The following FANCI variants were observed in gnomAD, a reference collection of about 807,000 sequenced individuals.
The protein encoded by FANCI is Fanconi anemia group I protein.
FANCI carries 156 observed loss-of-function variants against 176.1 expected under a neutral mutation model. The ratio of observed to expected loss-of-function variants is 0.89; its 90% CI spans 0.78 to 1.01. The LOEUF is 1.01. Ranked by LOEUF, FANCI falls within the 50% of genes least tolerant of loss-of-function variation. FANCI has a pLI of 0.00. For missense variants in FANCI, 1,678 were observed against 1,534.1 expected (o/e 1.09, Z -1.57); for synonymous variants, 613 against 541.7 (o/e 1.13, Z -1.83).
Position 89,253,512 on chromosome 15 carries a change from AAAATAAATAAATAAAT to A in FANCI, c.85-5173_85-5158del, listed in dbSNP as rs10691127. Among the ~76,000 whole-genome samples, 566 of 138,648 alleles carry A rather than the reference AAAATAAATAAATAAAT, an allele frequency of 4.1e-3. 4 individuals are homozygous for A. The highest frequency in any genetic ancestry group is 0.02 in the South Asian group (94 of 4,724). The allele number at this position is 138,648 out of a possible 152,430, so 91.0% of individuals were successfully genotyped here. The stretch of plus-strand genomic sequence containing the variant: ...GGTGAAAGTGAGACTCTGTCTCTTA[AAAATAAATAAATAAAT>A]AAATAAATAAATAAATAAGTATATG... On this transcript the variant is annotated intron_variant, in intron 2 of 37. Coordinates refer to ENST00000310775, the MANE Select transcript of FANCI (RefSeq NM_001113378.2).
intron 18 of FANCI, 22 bp downstream of exon 18, chr15:89,285,240 A>G: frequency 6.2e-7 from 1 of 1,613,752 alleles, no homozygotes; most frequent in Non-Finnish European, 8.5e-7. Context: ...GAATGGAAAG[A>G]ATGTAGCAAA....
At chr15:89,303,807 A>T in intron 27 of FANCI, 57 bp from the exon 28 acceptor site, 1 of 1,490,202 alleles carries the variant, frequency 6.7e-7, no homozygotes, top group Non-Finnish European at 9.4e-7. Flanking sequence ...CTGTTCTGAC[A>T]ACACCTAGGT....
chr15:89,283,939 T>A (rs764000827), intron 17 of FANCI, among the ~76,000 whole-genome samples: 4 of 152,020 alleles, frequency 2.6e-5, no homozygotes, highest in Non-Finnish European at 4.4e-5. Context: ...ATTTTTTGTA[T>A]TTTTAGTAGA....
At position 89,306,021 on chromosome 15, in the gene FANCI, C is replaced by G; in HGVS notation, c.3364C>G (p.Gln1122Glu). The G allele has an allele frequency of 1.2e-6, 2 of 1,614,208 alleles. No homozygotes were observed. Among genetic ancestry groups the G allele is most frequent in the South Asian group, 1.1e-5 (1 of 91,078 alleles). Residue 1122 changes from glutamine to glutamate, a missense_variant, in exon 32 of 38, where the codon CAG (glutamine) becomes GAG (glutamate). This residue lies in a region of FANCI where 1,204 missense variants were observed against 1,077.4 expected (regional missense o/e 1.12). Coordinates refer to ENST00000310775, the MANE Select transcript of FANCI (RefSeq NM_001113378.2). ...QETLSEEASS[Q>E]ATLPNQPVEK... Reference sequence around the variant, plus strand: ...TTTCCCTTTAGAAGAGGCCTCTTCTCAGGCAACCCTACCAAATCAGCCTGT... The same window carrying G: ...TTTCCCTTTAGAAGAGGCCTCTTCTGAGGCAACCCTACCAAATCAGCCTGT...
intron 24 of FANCI, among the ~76,000 whole-genome samples, chr15:89,298,936 C>T (rs935420645): frequency 2.0e-5 from 3 of 152,020 alleles, no homozygotes; most frequent in Admixed American, 6.6e-5. Context: ...TTTGGGAGGC[C>T]GAAGCAGGTG....
Position 89,300,365 on chromosome 15 carries a change from T to C in FANCI, c.2869T>C (p.Phe957Leu). The change falls in exon 26 of 38, where the codon TTC becomes CTC. Residue 957 changes from phenylalanine (F) to leucine (L), a missense_variant. By Grantham distance (22) the Phe-to-Leu change is conservative. This residue lies in a region of FANCI where 1,204 missense variants were observed against 1,077.4 expected (regional missense o/e 1.12). Coordinates refer to ENST00000310775, the MANE Select transcript of FANCI (RefSeq NM_001113378.2). ...TGTCAGTGTCACTCAGAGAACAGCATTCCAGATCCGGCAATTTCAGGTGAG... is the reference window on the plus strand; with the variant it reads ...TGTCAGTGTCACTCAGAGAACAGCACTCCAGATCCGGCAATTTCAGGTGAG... The part of the protein sequence containing the change: ...ADVSVTQRTA[F>L]QIRQFQRSLL... 1 of 1,613,974 alleles carries C rather than the reference T, an allele frequency of 6.2e-7. No homozygotes were observed. Among genetic ancestry groups the C allele is most frequent in the Non-Finnish European group, 8.5e-7 (1 of 1,179,858 alleles).
At chr15:89,313,007 G>T (rs202228675) in intron 35 of FANCI, 35 bp downstream of exon 35, 1 of 1,597,944 alleles carries the variant, frequency 6.3e-7, no homozygotes, top group East Asian at 2.2e-5. Flanking sequence ...AAATATGCTT[G>T]TTGGTGAACC....
chr15:89,276,618 C>G (rs961097571), intron 12 of FANCI, 93 bp from the exon 13 acceptor site: 7 of 1,390,258 alleles, frequency 5.0e-6, no homozygotes, highest in Non-Finnish European at 6.1e-6. Flanking sequence ...TTATCTAGGT[C>G]AAGTTTGGGA....
intron 12 of FANCI, 66 bp from the exon 13 acceptor site, chr15:89,276,645 A>G (rs947724366): frequency 2.6e-6 from 4 of 1,558,352 alleles, no homozygotes; most frequent in South Asian, 1.1e-5. Context: ...TAACAGGGCA[A>G]TGAGTATAAA....
chr15:89,264,279 A>C (rs927154579), intron 8 of FANCI, among the ~76,000 whole-genome samples: 1 of 152,172 alleles, frequency 6.6e-6, no homozygotes, highest in Non-Finnish European at 1.5e-5. Flanking sequence ...TTCTTTGCGG[A>C]GGTAAAAGGG....
chr15:89,263,397 C>CT (rs1567144582), intron 6 of FANCI, 22 bp from the exon 7 acceptor site: 14 of 1,605,870 alleles, frequency 8.7e-6, no homozygotes, highest in Non-Finnish European at 1.2e-5. Context: ...AAGAAATAAA[C>CT]TTTGTCATTT....
intron 13 of FANCI, 115 bp from the exon 14 acceptor site, chr15:89,278,572 G>A: frequency 1.4e-6 from 1 of 738,720 alleles, no homozygotes; most frequent in Non-Finnish European, 2.4e-6. Flanking sequence ...ATTATATTCT[G>A]ATTTTTTGAG....
intron 2 of FANCI, among the ~76,000 whole-genome samples, chr15:89,255,040 C>G (rs954389747): frequency 6.6e-6 from 1 of 152,178 alleles, no homozygotes; most frequent in Non-Finnish European, 1.5e-5. Context: ...CACTAATGTT[C>G]TCTTTATGTT....
chr15:89,309,814 A>G (rs1279908579), intron 34 of FANCI, among the ~76,000 whole-genome samples: 1 of 152,242 alleles, frequency 6.6e-6, no homozygotes, highest in Admixed American at 6.5e-5. Context: ...AACAAATGTT[A>G]CTATTTGGCA....
chr15:89,276,113 T>G (rs893699632), intron 12 of FANCI, among the ~76,000 whole-genome samples: 1 of 152,238 alleles, frequency 6.6e-6, no homozygotes, highest in Non-Finnish European at 1.5e-5. Flanking sequence ...AAAGGTTATA[T>G]TCACATTATT....
At position 89,285,170 on chromosome 15, in the gene FANCI, G is replaced by A; in HGVS notation, c.1773G>A (p.Leu591=). 1.2e-6 allele frequency: 2 copies of A among 1,614,208 alleles called. No homozygotes were observed. The highest frequency in any genetic ancestry group is 2.7e-5 in the African/African-American group (2 of 75,070). Reference sequence around the variant, plus strand: ...TTTGCCTTGAGATCATGGATAGTTTGAGGAGATGCTTAAGCCAGCAAGCTG... The same window carrying A: ...TTTGCCTTGAGATCATGGATAGTTTAAGGAGATGCTTAAGCCAGCAAGCTG... ...ETFCLEIMDS[L]RRCLSQQADV... is the part of the protein sequence containing the mutation. The change falls in exon 18 of 38, where the codon TTG becomes TTA. Residue 591 remains leucine (L), a synonymous_variant. Transcript: ENST00000310775.
chr15:89,279,533 C>G lies in FANCI; in HGVS notation c.1381+759C>G, dbSNP rs28435691. Among the ~76,000 whole-genome samples the G allele has an allele frequency of 4.7e-3, 710 of 152,268 alleles. 6 individuals carry two copies. Among genetic ancestry groups the G allele is most frequent in the African/African-American group, 0.015 (643 of 41,554 alleles). The stretch of plus-strand genomic sequence containing the variant: ...TTCATCACAAATTTTAAAAATTTCT[C>G]CGTGTCATTCATCACTGTTTATAAC... On this transcript the variant is annotated intron_variant, in intron 14 of 37. Transcript: ENST00000310775.
chr15:89,280,475 T>G (rs1446964859), intron 14 of FANCI, among the ~76,000 whole-genome samples: 1 of 152,204 alleles, frequency 6.6e-6, no homozygotes, highest in Non-Finnish European at 1.5e-5. Flanking sequence ...AAACTTACCT[T>G]TCTCATACCT....
intron 9 of FANCI, among the ~76,000 whole-genome samples, chr15:89,265,373 A>G (rs1177657360): frequency 6.6e-6 from 1 of 151,842 alleles, no homozygotes; most frequent in Non-Finnish European, 1.5e-5. Flanking sequence ...ACGCCCAGCT[A>G]ATTTTTGTAT....
Sources: gnomAD v4.1 joint callset for allele counts (sites outside exome capture counted in the v4.1 genomes callset) on GRCh38, gnomAD v4.1.1 for gene constraint, gnomAD v4.1.1 regional missense constraint, MANE v1.5 for transcripts, NCBI Gene and HGNC (gene_info 2026-07-23, HGNC 2026-07-21) for gene names.